Variants in AFF3 observed in about 807,000 individuals in gnomAD.
AFF3 encodes the protein AF4/FMR2 family member 3.
A neutral mutation model predicts 129.7 loss-of-function variants in AFF3; 32 were observed. The observed-to-expected ratio is 0.25, with a 90% CI of 0.19 to 0.33. AFF3 has a LOEUF of 0.33. Among genes scored for constraint, AFF3 ranks in the 10% least tolerant of loss-of-function variants. The pLI, the probability that AFF3 is intolerant of heterozygous loss-of-function variation, is 1.00. For synonymous variants in AFF3, 644 were observed against 635.4 expected (o/e 1.01, Z -0.20); for missense variants, 1,373 against 1,592.0 (o/e 0.86, Z 2.34).
chr2:100,020,912 G>A (rs1683538014), intron 4 of AFF3, among the ~76,000 whole-genome samples: 1 of 152,212 alleles, frequency 6.6e-6, no homozygotes, highest in South Asian at 2.1e-4. Context: ...TTAAAAAAGA[G>A]CAGTTTGGTC....
intron 7 of AFF3, among the ~76,000 whole-genome samples, chr2:99,923,480 A>G (rs1167869815): frequency 6.6e-6 from 1 of 152,218 alleles, no homozygotes; most frequent in Non-Finnish European, 1.5e-5. Context: ...TACTCTCAAG[A>G]GCCACAATTG....
chr2:99,620,272 G>T (rs894051002), intron 13 of AFF3, among the ~76,000 whole-genome samples: 1 of 152,124 alleles, frequency 6.6e-6, no homozygotes, highest in African/African-American at 2.4e-5. Flanking sequence ...GATGGGCTTG[G>T]ACTAGATGAT....
intron 11 of AFF3, among the ~76,000 whole-genome samples, chr2:99,705,116 C>T (rs571473217): frequency 2.4e-4 from 36 of 152,230 alleles, no homozygotes; most frequent in African/African-American, 8.7e-4. Flanking sequence ...TTCCATGCTG[C>T]AAAGAGGTCA....
intron 11 of AFF3, among the ~76,000 whole-genome samples, chr2:99,716,078 T>A (rs985061633): frequency 6.6e-6 from 1 of 152,184 alleles, no homozygotes; most frequent in Non-Finnish European, 1.5e-5. Flanking sequence ...GCCTGTGTAA[T>A]TGACCCTTGA....
chr2:99,976,899 C>T (rs1244559982), intron 7 of AFF3, among the ~76,000 whole-genome samples: 1 of 151,086 alleles, frequency 6.6e-6, no homozygotes, highest in Non-Finnish European at 1.5e-5. Context: ...TGAAATTATT[C>T]CACCTGGGGA....
In AFF3 at chr2:100,007,017, G is replaced by A. The variant is rs1234408099; in HGVS notation, c.488C>T (p.Thr163Ile). 7 of 1,604,154 alleles carry A rather than the reference G, an allele frequency of 4.4e-6. No individual in the cohort carries two copies. Among genetic ancestry groups the A allele is most frequent in the Admixed American group, 1.7e-5 (1 of 59,080 alleles). Residue 163 changes from threonine (T) to isoleucine (I), a missense_variant and splice_region_variant, in exon 7 of 25, where the codon ACA (threonine) becomes ATA (isoleucine). Transcript: ENST00000672756. ...CAAGGTCCTGAGAGAGCCCTGTTGT[G>A]CTGAGTTGGAAGAAGAAGAAGAGGA... Reference protein sequence around the residue: ...HPPSDGQQRATQQGSLRTLLG... With the variant: ...HPPSDGQQRAIQQGSLRTLLG...
At chr2:100,036,357 A>G (rs1464757564) in intron 4 of AFF3, among the ~76,000 whole-genome samples, 5 of 152,078 alleles carry the variant, frequency 3.3e-5, no homozygotes, top group African/African-American at 1.2e-4. Flanking sequence ...CTAACTTCAT[A>G]TAATTACAAA....
At chr2:99,733,102 G>A (rs557137831) in intron 10 of AFF3, among the ~76,000 whole-genome samples, 21 of 151,994 alleles carry the variant, frequency 1.4e-4, no homozygotes, top group African/African-American at 7.2e-5. Context: ...AAACTTGGCC[G>A]GGCGCGGTAG....
intron 4 of AFF3, 77 bp downstream of exon 4, chr2:100,104,325 C>G: frequency 1.9e-6 from 1 of 536,106 alleles, no homozygotes; most frequent in Non-Finnish European, 2.4e-6. Flanking sequence ...GCCCCCGGCC[C>G]AGGTGAGGAC....
intron 12 of AFF3, among the ~76,000 whole-genome samples, chr2:99,666,712 G>C (rs796065682): frequency 2.0e-4 from 31 of 152,264 alleles, no homozygotes; most frequent in African/African-American, 7.0e-4. Context: ...ATGGAAAAAA[G>C]TTACATTATG....
chr2:99,596,611 C>T (rs1263608680), intron 14 of AFF3, among the ~76,000 whole-genome samples: 2 of 143,082 alleles, frequency 1.4e-5, no homozygotes, highest in Non-Finnish European at 3.0e-5. Context: ...ACACTGGCCC[C>T]GCCACTGCGT....
chr2:99,889,567 C>A (rs1416030630), intron 7 of AFF3, among the ~76,000 whole-genome samples: 3 of 152,156 alleles, frequency 2.0e-5, no homozygotes, highest in African/African-American at 7.2e-5. Flanking sequence ...CCCTTAAAAG[C>A]TATAATGCTA....
chr2:99,661,080 A>G (rs1334059890), intron 12 of AFF3, among the ~76,000 whole-genome samples: 3 of 152,212 alleles, frequency 2.0e-5, no homozygotes, highest in Non-Finnish European at 2.9e-5. Context: ...CCTGGAAATG[A>G]GGGATAGCGT....
At chr2:99,981,975 C>G (rs1229144024) in intron 7 of AFF3, among the ~76,000 whole-genome samples, 1 of 152,170 alleles carries the variant, frequency 6.6e-6, no homozygotes, top group East Asian at 1.9e-4. Context: ...CAAAAGAAGC[C>G]AGTACCTTCT....
chr2:99,868,437 G>A (rs1040077457), intron 7 of AFF3, among the ~76,000 whole-genome samples: 5 of 152,144 alleles, frequency 3.3e-5, no homozygotes, highest in Admixed American at 2.0e-4. Context: ...CCAGGCGAGC[G>A]AGTGTCTGAC....
chr2:100,138,333 T>C (rs1263811706), intron 1 of AFF3, among the ~76,000 whole-genome samples: 1 of 152,164 alleles, frequency 6.6e-6, no homozygotes, highest in African/African-American at 2.4e-5. Context: ...ATGGGGACAA[T>C]TGAGGTCATA....
chr2:100,104,823 G>GCCGC, intron 3 of AFF3: 1 of 602,852 alleles, frequency 1.7e-6, no homozygotes, highest in Non-Finnish European at 2.0e-6. Context: ...CGCCGCCGCC[G>GCCGC]CGGTGCTCTG....
At chr2:100,042,156 G>A (rs1685486043) in intron 4 of AFF3, among the ~76,000 whole-genome samples, 1 of 152,108 alleles carries the variant, frequency 6.6e-6, no homozygotes, top group Non-Finnish European at 1.5e-5. Context: ...CAAGCTAAGA[G>A]AAAGGCCCTT....
At chr2:99,729,572 C>T (rs997326482) in intron 10 of AFF3, among the ~76,000 whole-genome samples, 9 of 152,034 alleles carry the variant, frequency 5.9e-5, no homozygotes, top group Non-Finnish European at 1.3e-4. Flanking sequence ...CACAAAGCTT[C>T]CCCCACATCT....
Sources: gnomAD v4.1 joint callset for allele counts (sites outside exome capture counted in the v4.1 genomes callset) on GRCh38, gnomAD v4.1.1 for gene constraint, MANE v1.5 for transcripts, NCBI Gene and HGNC (gene_info 2026-07-23, HGNC 2026-07-21) for gene names.